Variants in TBC1D22A observed in about 807,000 individuals in gnomAD.
The protein encoded by TBC1D22A is TBC1 domain family member 22A.
A neutral mutation model predicts 60.2 loss-of-function variants in TBC1D22A; 38 were observed. That is an observed-to-expected ratio of 0.63 (90% CI 0.49 to 0.83). The LOEUF (loss-of-function observed/expected upper bound fraction) is 0.83, where lower values mean the gene tolerates loss of function less well. Among genes scored for constraint, TBC1D22A ranks in the 40% least tolerant of loss-of-function variants. The pLI is 0.00. For missense variants in TBC1D22A, 628 were observed against 701.0 expected (o/e 0.90, Z 1.18); for synonymous variants, 302 against 281.7 (o/e 1.07, Z -0.72).
chr22:47,022,057 TA>T (rs1221531246), intron 10 of TBC1D22A, among the ~76,000 whole-genome samples: 1 of 152,176 alleles, frequency 6.6e-6, no homozygotes, highest in Non-Finnish European at 1.5e-5. Context: ...TCAGGATTAA[TA>T]AAAAATCACA....
rs753254036 is a variant in TBC1D22A at position 47,103,635 on chromosome 22, C to G, written c.1330-7873C>G. On this transcript the variant is annotated intron_variant, in intron 11 of 12. Transcript: ENST00000337137. ...ACAGTGCAGAGAGGGCTGACGTGCC[C>G]AGAGAATGGGATATAGGAGTCGCAG... is the stretch of plus-strand genomic sequence containing the variant. Among the ~76,000 whole-genome samples, 93 of 152,220 alleles carry G rather than the reference C, an allele frequency of 6.1e-4. 1 individual carries two copies. The highest frequency in any genetic ancestry group is 1.3e-4 in the Admixed American group (2 of 15,298).
At chr22:47,171,717 A>G (rs567660452) in intron 12 of TBC1D22A, among the ~76,000 whole-genome samples, 6 of 152,234 alleles carry the variant, frequency 3.9e-5, no homozygotes, top group African/African-American at 1.2e-4. Flanking sequence ...GGGCGTGGTC[A>G]TGTGGGAGGG....
At chr22:46,989,847 G>T (rs1410089260) in intron 9 of TBC1D22A, among the ~76,000 whole-genome samples, 1 of 151,638 alleles carries the variant, frequency 6.6e-6, no homozygotes, top group East Asian at 1.9e-4. Context: ...GTGTTGCCCG[G>T]GCTGGAGTGC....
chr22:47,070,416 T>C (rs71313085), intron 11 of TBC1D22A, among the ~76,000 whole-genome samples: 1,378 of 62,992 alleles, frequency 0.022, no homozygotes, highest in Admixed American at 0.038. Flanking sequence ...CGGTTCCAGG[T>C]TGTTCCCTGT....
Position 47,076,361 on chromosome 22 carries a change from GTATA to G in TBC1D22A, c.1330-35130_1330-35127del, listed in dbSNP as rs769322904. Reference sequence around the variant, plus strand: ...TGTGTGTATATATATATATGTGTGTGTATATATATATATATATATACACACACAC... The same window carrying G: ...TGTGTGTATATATATATATGTGTGTGTATATATATATATATACACACACAC... On this transcript the variant is annotated intron_variant, in intron 11 of 12. Coordinates refer to ENST00000337137, the MANE Select transcript of TBC1D22A (RefSeq NM_014346.5). 3.8e-3 allele frequency among the ~76,000 whole-genome samples: 387 copies of G among 101,926 alleles called. 5 individuals are homozygous for G. The highest frequency in any genetic ancestry group is 6.5e-3 in the Admixed American group (60 of 9,166). The allele number at this position is 101,926 out of a possible 152,430, so 66.9% of individuals were successfully genotyped here. A position where few individuals can be genotyped will look rare whatever the true frequency, so the allele number is the denominator to read the frequency against.
intron 4 of TBC1D22A, among the ~76,000 whole-genome samples, chr22:46,828,791 G>C (rs1354993290): frequency 1.3e-5 from 2 of 152,130 alleles, no homozygotes; most frequent in Non-Finnish European, 2.9e-5. Flanking sequence ...AGCCACATGG[G>C]CTCATCTCTG....
At chr22:46,878,841 T>G in intron 5 of TBC1D22A, 118 bp downstream of exon 5, 1 of 836,522 alleles carries the variant, frequency 1.2e-6, no homozygotes, top group South Asian at 1.6e-5. Context: ...TTTGTTGCAG[T>G]GATAAAGGCC....
chr22:47,041,960 C>T lies in TBC1D22A; in HGVS notation c.1329+4762C>T, dbSNP rs181040396. On this transcript the variant is annotated intron_variant, in intron 11 of 12. Transcript: ENST00000337137. The stretch of plus-strand genomic sequence containing the variant: ...CCTATAGCAAGTGCCTGGCCCTGCA[C>T]CAAGCACAGAGCAGGCATCAGGCAA... 7.9e-5 allele frequency among the ~76,000 whole-genome samples: 12 copies of T among 152,340 alleles called. No individual in the cohort carries two copies. The South Asian group carries it at 1.7e-3, about 21-fold the overall frequency.
intron 4 of TBC1D22A, among the ~76,000 whole-genome samples, chr22:46,821,235 A>G (rs1412145032): frequency 6.6e-6 from 1 of 152,140 alleles, no homozygotes; most frequent in Non-Finnish European, 1.5e-5. Context: ...GCCCATTTAC[A>G]TATAAAGTTA....
At chr22:46,880,956 G>C (rs777664149) in intron 5 of TBC1D22A, among the ~76,000 whole-genome samples, 5 of 152,168 alleles carry the variant, frequency 3.3e-5, no homozygotes, top group African/African-American at 4.8e-5. Flanking sequence ...GCCAAGTAAG[G>C]CTTCTTGGGG....
intron 4 of TBC1D22A, among the ~76,000 whole-genome samples, chr22:46,798,859 C>G (rs1040878523): frequency 6.6e-6 from 1 of 152,156 alleles, no homozygotes; most frequent in Non-Finnish European, 1.5e-5. Context: ...TTGCAGCAGC[C>G]GGGCCTTCAC....
chr22:47,037,741 A>T (rs913442222), intron 11 of TBC1D22A, among the ~76,000 whole-genome samples: 3 of 152,220 alleles, frequency 2.0e-5, no homozygotes, highest in Non-Finnish European at 4.4e-5. Flanking sequence ...GCTGAGTTTC[A>T]TTCTGCCTGC....
chr22:46,931,130 TGTG>T (rs2071336619), intron 8 of TBC1D22A, among the ~76,000 whole-genome samples: 1 of 152,184 alleles, frequency 6.6e-6, no homozygotes, highest in Non-Finnish European at 1.5e-5. Flanking sequence ...TACTTGGTCA[TGTG>T]GTTTTTATGC....
chr22:46,925,865 G>A (rs770630657), intron 8 of TBC1D22A, among the ~76,000 whole-genome samples: 3 of 152,102 alleles, frequency 2.0e-5, no homozygotes, highest in Non-Finnish European at 4.4e-5. Flanking sequence ...CAGGATACAT[G>A]TTCCTCTCAA....
intron 8 of TBC1D22A, among the ~76,000 whole-genome samples, chr22:46,936,356 C>G (rs796193737): frequency 6.6e-6 from 1 of 152,176 alleles, no homozygotes; most frequent in African/African-American, 2.4e-5. Context: ...CCAGGCTCCT[C>G]GTGGTTCTGC....
At chr22:46,764,061 T>G (rs796765811) in intron 1 of TBC1D22A, 51 of 151,992 alleles carry the variant, frequency 3.4e-4, no homozygotes, top group African/African-American at 9.9e-4. Flanking sequence ...TCCATTGCAC[T>G]CCATCCTGGG....
chr22:46,865,217 C>T (rs926344312), intron 4 of TBC1D22A, among the ~76,000 whole-genome samples: 3 of 152,200 alleles, frequency 2.0e-5, no homozygotes, highest in Admixed American at 2.0e-4. Context: ...GGCACCACCC[C>T]CCGCTGCATC....
chr22:46,806,610 C>T (rs1435747850), intron 4 of TBC1D22A, among the ~76,000 whole-genome samples: 1 of 150,170 alleles, frequency 6.7e-6, no homozygotes, highest in Non-Finnish European at 1.5e-5. Flanking sequence ...GGCCACAGAC[C>T]ATTAGAACTG....
At chr22:46,881,816 C>T (rs1039003550) in intron 5 of TBC1D22A, among the ~76,000 whole-genome samples, 12 of 152,224 alleles carry the variant, frequency 7.9e-5, no homozygotes, top group Non-Finnish European at 1.5e-4. Context: ...ATTTGCCATG[C>T]TCCATGCCCT....
Sources: allele counts gnomAD v4.1 joint callset (sites outside exome capture counted in the v4.1 genomes callset), GRCh38; gene constraint gnomAD v4.1.1; transcripts MANE v1.5; gene names NCBI Gene and HGNC (gene_info 2026-07-23, HGNC 2026-07-21).